SERPINE3: variants seen among roughly 807,000 people sequenced by gnomAD.
The protein encoded by SERPINE3 is serpin E3.
Under a neutral mutation model 41.7 loss-of-function variants are expected in SERPINE3, and 43 were observed. The ratio of observed to expected loss-of-function variants is 1.03; its 90% confidence interval spans 0.81 to 1.33. The LOEUF is 1.33. SERPINE3 is among the 40% of genes most tolerant of loss of function. The pLI, the probability that SERPINE3 is intolerant of heterozygous loss-of-function variation, is 0.00. For missense variants in SERPINE3, 440 were observed against 491.7 expected (o/e 0.89, Z 0.99); for synonymous variants, 200 against 192.2 (o/e 1.04, Z -0.34).
Position 51,341,096 on chromosome 13 carries a change from C to T in SERPINE3, c.5C>T (p.Pro2Leu), listed in dbSNP as rs367969906. 31 of 1,613,574 alleles carry T rather than the reference C, an allele frequency of 1.9e-5. No homozygotes were observed. Among genetic ancestry groups the T allele is most frequent in the Admixed American group, 6.7e-5 (4 of 60,000 alleles). The change falls in exon 3 of 10, where the codon CCG becomes CTG. Residue 2 changes from proline to leucine, a missense_variant. By Grantham distance (98) the Pro-to-Leu change is moderately conservative (BLOSUM62 -3). Coordinates refer to ENST00000681248, the MANE Select transcript of SERPINE3 (RefSeq NM_001386375.1). Reference sequence around the variant, plus strand: ...GCAGGAACCCTCCCAGCCTCCATGCCGCCTTTCCTGATCACCCTCTTCCTC... The same window carrying T: ...GCAGGAACCCTCCCAGCCTCCATGCTGCCTTTCCTGATCACCCTCTTCCTC... M[P>L]PFLITLFLFH...
chr13:51,361,213 G>A, intron 7 of SERPINE3, 65 bp from the exon 8 acceptor site: 1 of 996,386 alleles, frequency 1.0e-6, no homozygotes, highest in Non-Finnish European at 1.6e-6. Context: ...TTTAAAGAAT[G>A]TGTTCTAAAT....
intron 4 of SERPINE3, among the ~76,000 whole-genome samples, chr13:51,345,139 C>A (rs1955332804): frequency 6.6e-6 from 1 of 151,960 alleles, no homozygotes. Context: ...CTCAGTTCAC[C>A]CTCACAATAA....
chr13:51,342,460 A>C (rs1294388086), intron 3 of SERPINE3, among the ~76,000 whole-genome samples: 1 of 152,224 alleles, frequency 6.6e-6, no homozygotes, highest in Non-Finnish European at 1.5e-5. Context: ...TTGAGTGTTT[A>C]GCACAATGTC....
At chr13:51,346,795 G>A (rs1955351265) in intron 4 of SERPINE3, among the ~76,000 whole-genome samples, 1 of 152,232 alleles carries the variant, frequency 6.6e-6, no homozygotes, top group Non-Finnish European at 1.5e-5. Context: ...CAAAAGTTGA[G>A]AGCAGCTCCT....
chr13:51,348,178 G>A (rs371294666), intron 5 of SERPINE3, 35 bp from the exon 6 acceptor site: 246 of 1,509,716 alleles, frequency 1.6e-4, no homozygotes, highest in Admixed American at 2.7e-4. Context: ...CTGGCTCCTG[G>A]GACAGAGCTG....
At chr13:51,346,918 C>T in intron 4 of SERPINE3, 107 bp from the exon 5 acceptor site, 2 of 753,648 alleles carry the variant, frequency 2.7e-6, no homozygotes, top group Admixed American at 4.3e-5. Context: ...GCAAAAAGAC[C>T]TGCATTTTCG....
intron 9 of SERPINE3, 47 bp downstream of exon 9, chr13:51,361,940 C>T (rs1390789343): frequency 6.2e-7 from 1 of 1,611,904 alleles, no homozygotes; most frequent in South Asian, 1.1e-5. Context: ...ATCAGTGTCT[C>T]TCTAGCAACA....
rs574485097 is a variant in SERPINE3 at position 51,341,294 on chromosome 13, C to A, written c.203C>A (p.Ala68Glu). Residue 68 changes from alanine to glutamate, a missense_variant, in exon 3 of 10, where the codon GCA becomes GAA. Ala to Glu is a moderately radical substitution (Grantham distance 107, BLOSUM62 -1). Coordinates refer to ENST00000681248, the MANE Select transcript of SERPINE3 (RefSeq NM_001386375.1). ...SLPLEILQFG[A>E]EGSTGQQLAD... ...CCCCTGGAGATCCTGCAGTTTGGAG[C>A]AGAAGGGAGCACTGGTCAGCAGCTG... The A allele has an allele frequency of 6.2e-7, 1 of 1,613,386 alleles. No homozygotes were observed. Among genetic ancestry groups the A allele is most frequent in the African/African-American group, 1.3e-5 (1 of 75,046 alleles).
intron 9 of SERPINE3, 191 bp from the exon 10 acceptor site, chr13:51,364,048 A>C (rs1955636595): frequency 1.6e-5 from 6 of 368,992 alleles, no homozygotes; most frequent in Non-Finnish European, 2.9e-5. Flanking sequence ...ATTTAGGAAC[A>C]GACAATATAT....
At chr13:51,347,345 G>A (rs2137778604) in intron 5 of SERPINE3, 111 bp downstream of exon 5, 3 of 919,596 alleles carry the variant, frequency 3.3e-6, no homozygotes, top group Non-Finnish European at 3.4e-6. Flanking sequence ...GTTTCCGCAG[G>A]GTCCATCTGC....
At chr13:51,345,552 G>A (rs111664923) in intron 4 of SERPINE3, among the ~76,000 whole-genome samples, 3,014 of 131,448 alleles carry the variant, frequency 0.023, 52 homozygotes, top group Non-Finnish European at 0.032. Context: ...CTGAGACTGC[G>A]TCACTGCACT....
Position 51,355,055 on chromosome 13 carries a change from A to C in SERPINE3, c.912A>C (p.Gln304His). Residue 304 changes from glutamine (Q) to histidine (H), a missense_variant, in exon 7 of 10, where the codon CAA (glutamine) becomes CAC (histidine). Coordinates refer to ENST00000681248, the MANE Select transcript of SERPINE3 (RefSeq NM_001386375.1). Reference sequence around the variant, plus strand: ...TTTTGCCTTTTAGGTTTAGGATCCAAAATCAATTCAACTTAAAAAGCATTT... The same window carrying C: ...TTTTGCCTTTTAGGTTTAGGATCCACAATCAATTCAACTTAAAAAGCATTT... ...MDVFLPRFRI[Q>H]NQFNLKSILN... The C allele has an allele frequency of 6.5e-7, 1 of 1,532,764 alleles. No individual in the cohort carries two copies. Among genetic ancestry groups the C allele is most frequent in the Non-Finnish European group, 8.9e-7 (1 of 1,129,060 alleles). 94.9% of individuals were successfully genotyped at this position (1,532,764 alleles called of 1,614,324 possible). A position where few individuals can be genotyped will look rare whatever the true frequency, so the allele number is the denominator to read the frequency against.
intron 1 of SERPINE3, among the ~76,000 whole-genome samples, chr13:51,340,530 T>C (rs1236051289): frequency 6.6e-6 from 1 of 152,216 alleles, no homozygotes; most frequent in East Asian, 1.9e-4. Context: ...TCTTTCCCCA[T>C]ACAAATGAGT....
At chr13:51,356,182 A>T (rs1392706547) in intron 7 of SERPINE3, among the ~76,000 whole-genome samples, 1 of 152,162 alleles carries the variant, frequency 6.6e-6, no homozygotes, top group Non-Finnish European at 1.5e-5. Context: ...ACGCAAAGAG[A>T]TAGCAAAGCA....
At chr13:51,361,595 T>G in intron 8 of SERPINE3, 1 of 588,236 alleles carries the variant, frequency 1.7e-6, no homozygotes, top group Non-Finnish European at 3.0e-6. Flanking sequence ...AATAAGGAAT[T>G]TATTCCATGG....
At chr13:51,356,042 T>A (rs1291515930) in intron 7 of SERPINE3, among the ~76,000 whole-genome samples, 1 of 152,176 alleles carries the variant, frequency 6.6e-6, no homozygotes, top group Non-Finnish European at 1.5e-5. Context: ...GAGATTTTGA[T>A]CCACAAGAGA....
chr13:51,351,137 A>G (rs946292404), intron 6 of SERPINE3, among the ~76,000 whole-genome samples: 2 of 152,172 alleles, frequency 1.3e-5, no homozygotes, highest in African/African-American at 4.8e-5. Context: ...TTGTGTATAT[A>G]TATTTTCAAT....
At chr13:51,354,014 C>A (rs1955440820) in intron 6 of SERPINE3, 1 of 152,082 alleles carries the variant, frequency 6.6e-6, no homozygotes, top group African/African-American at 2.4e-5. Context: ...ACTAGGAAAA[C>A]CAAGGCTTTA....
chr13:51,361,284 A>T lies in SERPINE3; in HGVS notation c.1007A>T (p.Asp336Val). ...TATCATTTTCTGTGGTTAGGCCAAG[A>T]TGGCTTTTATGTTTCTGAAGCAATC... ...KANLKGISGQDGFYVSEAIHK... is the reference protein window; with the variant it reads ...KANLKGISGQVGFYVSEAIHK... Residue 336 changes from aspartate (D) to valine (V), a missense_variant, in exon 8 of 10, where the codon GAT becomes GTT. By Grantham distance (152) the Asp-to-Val change is radical. Transcript: ENST00000681248. 6.2e-7 allele frequency: 1 copy of T among 1,607,666 alleles called. No homozygotes were observed. The highest frequency in any genetic ancestry group is 1.1e-5 in the South Asian group (1 of 90,174).
Sources: gnomAD v4.1 joint callset for allele counts (sites outside exome capture counted in the v4.1 genomes callset) on GRCh38, gnomAD v4.1.1 for gene constraint, MANE v1.5 for transcripts, NCBI Gene and HGNC (gene_info 2026-07-23, HGNC 2026-07-21) for gene names.